The following FGF14 variants were observed in gnomAD, a reference collection of about 807,000 sequenced individuals.
FGF14 encodes the protein fibroblast growth factor homologous factor 4.
A neutral mutation model predicts 25.5 loss-of-function variants in FGF14; 5 were observed. The ratio of observed to expected loss-of-function variants is 0.20; its 90% CI spans 0.10 to 0.41. The LOEUF (loss-of-function observed/expected upper bound fraction) is 0.41. FGF14 is among the 10% of genes least tolerant of loss of function. The pLI is 1.00. For synonymous variants in FGF14, 138 were observed against 118.3 expected (o/e 1.17, Z -1.08); for missense variants, 222 against 320.1 (o/e 0.69, Z 2.34).
chr13:101,779,983 T>C (rs1447375219), intron 3 of FGF14, among the ~76,000 whole-genome samples: 2 of 152,158 alleles, frequency 1.3e-5, no homozygotes, highest in African/African-American at 2.4e-5. Context: ...TGTGGTTCTA[T>C]GGTAAAGTAT....
intron 1 of FGF14, among the ~76,000 whole-genome samples, chr13:102,165,938 A>C (rs1234915104): frequency 6.6e-6 from 1 of 151,932 alleles, no homozygotes; most frequent in Non-Finnish European, 1.5e-5. Context: ...ATGTGATTAC[A>C]GGTAAAATTT....
At chr13:101,823,976 T>C (rs1216052578) in intron 3 of FGF14, among the ~76,000 whole-genome samples, 1 of 151,976 alleles carries the variant, frequency 6.6e-6, no homozygotes, top group East Asian at 1.9e-4. Flanking sequence ...CATAATTCTA[T>C]GTTCTGTTAT....
intron 1 of FGF14, among the ~76,000 whole-genome samples, chr13:102,123,264 G>C (rs2045811183): frequency 6.6e-6 from 1 of 152,122 alleles, no homozygotes. Context: ...TTTCCTACTA[G>C]ACTGAGAAGA....
At chr13:102,010,614 G>C (rs543861745) in intron 1 of FGF14, among the ~76,000 whole-genome samples, 1 of 152,266 alleles carries the variant, frequency 6.6e-6, no homozygotes, top group African/African-American at 2.4e-5. Flanking sequence ...GAAAAACCTA[G>C]GTTTTAAAGT....
chr13:102,155,219 A>G (rs2047274283), intron 1 of FGF14, among the ~76,000 whole-genome samples: 1 of 152,260 alleles, frequency 6.6e-6, no homozygotes, highest in Non-Finnish European at 1.5e-5. Flanking sequence ...CATTCTTTTC[A>G]GCACCACACT....
intron 1 of FGF14, among the ~76,000 whole-genome samples, chr13:102,275,256 CTCTCTT>C (rs775683047): frequency 0.18 from 16,513 of 90,068 alleles, 1,802 homozygotes; most frequent in Middle Eastern, 0.27. Context: ...CTCTCTCTCT[CTCTCTT>C]TCTCTCTCTC....
chr13:102,329,598 C>T (rs932142937), intron 1 of FGF14, among the ~76,000 whole-genome samples: 6 of 152,084 alleles, frequency 3.9e-5, no homozygotes, highest in African/African-American at 1.2e-4. Context: ...TGGTGATTTC[C>T]CTTTCCAGTT....
chr13:102,356,897 C>T (rs1054222926), intron 1 of FGF14, among the ~76,000 whole-genome samples: 1 of 148,604 alleles, frequency 6.7e-6, no homozygotes, highest in Non-Finnish European at 1.5e-5. Flanking sequence ...AATGCCAGAA[C>T]ATGTAAAGTA....
intron 1 of FGF14, among the ~76,000 whole-genome samples, chr13:102,214,100 G>C (rs1244695501): frequency 6.6e-6 from 1 of 152,194 alleles, no homozygotes; most frequent in East Asian, 1.9e-4. Flanking sequence ...TTTGGCCTTA[G>C]CCTAACCTTT....
chr13:102,344,586 G>A (rs1266565680), intron 1 of FGF14, among the ~76,000 whole-genome samples: 1 of 152,216 alleles, frequency 6.6e-6, no homozygotes. Context: ...CAACCTGTCA[G>A]TTTAAGCCAC....
chr13:101,855,797 C>G (rs139771712), intron 3 of FGF14, among the ~76,000 whole-genome samples: 1 of 151,882 alleles, frequency 6.6e-6, no homozygotes, highest in African/African-American at 2.4e-5. Flanking sequence ...TGCATTTAAA[C>G]AACCGCATAT....
intron 1 of FGF14, among the ~76,000 whole-genome samples, chr13:102,115,720 A>T (rs1000830829): frequency 6.6e-6 from 1 of 152,178 alleles, no homozygotes; most frequent in Non-Finnish European, 1.5e-5. Flanking sequence ...AAGGCTACCT[A>T]TCGAGTATTT....
At chr13:102,188,491 T>C (rs905726099) in intron 1 of FGF14, among the ~76,000 whole-genome samples, 8 of 152,338 alleles carry the variant, frequency 5.3e-5, no homozygotes, top group African/African-American at 1.7e-4. Flanking sequence ...GCAGGCTAAA[T>C]AGAAGTACCT....
At chr13:102,148,238 C>T (rs1415633673) in intron 1 of FGF14, among the ~76,000 whole-genome samples, 1 of 151,976 alleles carries the variant, frequency 6.6e-6, no homozygotes, top group Non-Finnish European at 1.5e-5. Context: ...TTTGAAACTC[C>T]AAACTAAGAA....
intron 1 of FGF14, among the ~76,000 whole-genome samples, chr13:102,064,318 A>G (rs1345416157): frequency 6.6e-6 from 1 of 152,056 alleles, no homozygotes; most frequent in African/African-American, 2.4e-5. Context: ...AAAATCAAAC[A>G]TCTTTAATTT....
At position 102,155,959 on chromosome 13, in the gene FGF14, G is replaced by A. The variant is rs549086667; in HGVS notation, c.208+245512C>T. ...ATACACTCTCCCAAGACTAAACCAG[G>A]AAGAAGTTGAATCTCTGAATAGACC... On this transcript the variant is annotated intron_variant, in intron 1 of 4. Transcript: ENST00000376131. Among the ~76,000 whole-genome samples, 8 of 152,268 alleles carry A rather than the reference G, an allele frequency of 5.3e-5. No homozygotes were observed. The South Asian group carries it at 1.7e-3, about 32-fold the overall frequency.
chr13:101,831,240 CTATT>C (rs71125026), intron 3 of FGF14, among the ~76,000 whole-genome samples: 18,620 of 147,342 alleles, frequency 0.13, 1,204 homozygotes, highest in East Asian at 0.22. Context: ...ATGTTAGTTA[CTATT>C]TATTTATTTA....
intron 1 of FGF14, among the ~76,000 whole-genome samples, chr13:101,898,341 AAC>A (rs55676818): frequency 1.4e-3 from 204 of 144,392 alleles, no homozygotes; most frequent in Non-Finnish European, 1.6e-3. Context: ...TGAAACATAC[AAC>A]ACACACACAC....
intron 1 of FGF14, among the ~76,000 whole-genome samples, chr13:102,323,957 A>ATGTATGTGTGTGTG (rs1450436394): frequency 1.5e-5 from 2 of 136,422 alleles, no homozygotes; most frequent in Non-Finnish European, 3.2e-5. Flanking sequence ...AACGTGCAGT[A>ATGTATGTGTGTGTG]TGTGTGTGTG....
Sources: allele counts gnomAD v4.1 joint callset (sites outside exome capture counted in the v4.1 genomes callset), GRCh38; gene constraint gnomAD v4.1.1; transcripts MANE v1.5; gene names NCBI Gene and HGNC (gene_info 2026-07-23, HGNC 2026-07-21).